ZNF385D: variants seen among roughly 807,000 people sequenced by gnomAD.
The protein encoded by ZNF385D is zinc finger protein 385D.
In ZNF385D, 15 loss-of-function variants were observed where a neutral mutation model predicts 35.8. The observed-to-expected ratio is 0.42, with a 90% CI of 0.28 to 0.64. The LOEUF is 0.64. Among genes scored for constraint, ZNF385D ranks in the 30% least tolerant of loss-of-function variants. The pLI is 0.23. For synonymous variants in ZNF385D, 212 were observed against 186.8 expected (o/e 1.13, Z -1.10); for missense variants, 474 against 494.6 (o/e 0.96, Z 0.39).
At chr3:22,129,191 T>G (rs1703626674) in intron 3 of ZNF385D, among the ~76,000 whole-genome samples, 1 of 150,378 alleles carries the variant, frequency 6.6e-6, no homozygotes, top group South Asian at 2.1e-4. Flanking sequence ...ACAAACAGAG[T>G]CTCTCTCTCT....
intron 4 of ZNF385D, among the ~76,000 whole-genome samples, chr3:21,444,520 G>T (rs1050208484): frequency 7.3e-5 from 11 of 151,324 alleles, no homozygotes; most frequent in East Asian, 5.8e-4. Context: ...GAGTAGCTGG[G>T]ATTACAGGCA....
Position 21,467,741 on chromosome 3 carries a change from T to C in ZNF385D, c.440-30538A>G, listed in dbSNP as rs564696892. Among the ~76,000 whole-genome samples, 125 of 152,304 alleles carry C rather than the reference T, an allele frequency of 8.2e-4. 1 individual carries two copies. The highest frequency in any genetic ancestry group is 1.4e-3 in the Non-Finnish European group (97 of 68,024). On this transcript the variant is annotated intron_variant, in intron 4 of 7. Transcript: ENST00000281523. ...TGCCATATCTTTCAGGACCCAGAAA[T>C]TCTATTCCTAACACCATGCGTTCTA... is the stretch of plus-strand genomic sequence containing the variant.
intron 3 of ZNF385D, among the ~76,000 whole-genome samples, chr3:22,145,010 ATGTGTGTGTG>A (rs36060381): frequency 6.7e-6 from 1 of 148,930 alleles, no homozygotes; most frequent in Non-Finnish European, 1.5e-5. Context: ...GAAGATACAT[ATGTGTGTGTG>A]TGTGTGTGTG....
At chr3:22,369,022 G>C (rs1243916234) in intron 2 of ZNF385D, among the ~76,000 whole-genome samples, 4 of 152,152 alleles carry the variant, frequency 2.6e-5, no homozygotes, top group Non-Finnish European at 4.4e-5. Context: ...GGCAATTTAA[G>C]CACTTGCTTG....
chr3:21,486,543 C>G (rs139204698), intron 4 of ZNF385D, among the ~76,000 whole-genome samples: 12 of 152,226 alleles, frequency 7.9e-5, no homozygotes, highest in African/African-American at 2.9e-4. Context: ...AAAATGCTTG[C>G]AATATTTCTT....
At chr3:22,171,687 T>G (rs11915868) in intron 2 of ZNF385D, among the ~76,000 whole-genome samples, 4,138 of 151,942 alleles carry the variant, frequency 0.027, 184 homozygotes, top group African/African-American at 0.094. Flanking sequence ...CCATCGTGGC[T>G]AACACAGTGA....
chr3:21,503,641 G>T (rs1706549675), intron 4 of ZNF385D, among the ~76,000 whole-genome samples: 1 of 152,156 alleles, frequency 6.6e-6, no homozygotes, highest in African/African-American at 2.4e-5. Flanking sequence ...GGAGGGTAAT[G>T]TGCAGGAAAT....
At chr3:21,537,177 C>T (rs908237501) in intron 3 of ZNF385D, among the ~76,000 whole-genome samples, 4 of 137,646 alleles carry the variant, frequency 2.9e-5, no homozygotes, top group Admixed American at 1.6e-4. Flanking sequence ...GTGTCACCCA[C>T]GCTGGAGTGC....
chr3:21,957,150 A>G (rs259564), intron 3 of ZNF385D: 130,791 of 158,890 alleles, frequency 0.82, 54,740 homozygotes, highest in African/African-American at 0.95. Flanking sequence ...AGAGCCTTTC[A>G]CCTCTAGCCA....
At chr3:22,315,575 G>A (rs374045312) in intron 2 of ZNF385D, among the ~76,000 whole-genome samples, 39 of 152,224 alleles carry the variant, frequency 2.6e-4, no homozygotes, top group African/African-American at 4.8e-4. Context: ...AATTCAAAAC[G>A]GAAGGAGTTA....
chr3:21,919,505 G>A lies in ZNF385D; in HGVS notation c.325+249312C>T, dbSNP rs1056896134. Among the ~76,000 whole-genome samples, 14 of 152,172 alleles carry A rather than the reference G, an allele frequency of 9.2e-5. 1 individual carries two copies. Among genetic ancestry groups the A allele is most frequent in the Admixed American group, 2.6e-4 (4 of 15,262 alleles). Reference sequence around the variant, plus strand: ...TCATATCTCAATTCAAAAAAGGTAAGCAAAACAAGTAGTGGGAGACAGACT... The same window carrying A: ...TCATATCTCAATTCAAAAAAGGTAAACAAAACAAGTAGTGGGAGACAGACT... On this transcript the variant is annotated intron_variant, in intron 3 of 5. Transcript: ENST00000494108.
intron 2 of ZNF385D, among the ~76,000 whole-genome samples, chr3:22,363,222 A>G (rs535275177): frequency 3.9e-5 from 6 of 151,954 alleles, no homozygotes; most frequent in African/African-American, 1.4e-4. Flanking sequence ...GAAGGAATCA[A>G]TTTTCTCAGA....
intron 2 of ZNF385D, among the ~76,000 whole-genome samples, chr3:22,229,638 A>G (rs1698765005): frequency 6.6e-6 from 1 of 152,146 alleles, no homozygotes; most frequent in Admixed American, 6.5e-5. Context: ...ATGCTGTCGT[A>G]CAACTCCCTT....
At chr3:22,187,785 G>A (rs765403531) in intron 2 of ZNF385D, among the ~76,000 whole-genome samples, 15 of 152,126 alleles carry the variant, frequency 9.9e-5, no homozygotes, top group Non-Finnish European at 7.4e-5. Context: ...TTCGGACAGC[G>A]ATGGTAGCTG....
intron 1 of ZNF385D, among the ~76,000 whole-genome samples, chr3:21,704,735 A>G (rs2067834589): frequency 6.6e-6 from 1 of 152,134 alleles, no homozygotes; most frequent in Admixed American, 6.6e-5. Flanking sequence ...GCATTAAATC[A>G]TGTTTTGTTC....
At chr3:21,823,204 A>C (rs149662539) in intron 3 of ZNF385D, among the ~76,000 whole-genome samples, 2 of 152,266 alleles carry the variant, frequency 1.3e-5, no homozygotes, top group African/African-American at 4.8e-5. Flanking sequence ...GTAATTAGAG[A>C]GTAGGTAGTC....
intron 3 of ZNF385D, among the ~76,000 whole-genome samples, chr3:21,887,294 T>C (rs541323759): frequency 2.6e-5 from 4 of 152,276 alleles, no homozygotes; most frequent in African/African-American, 4.8e-5. Flanking sequence ...CTACTACCAA[T>C]AATTAATTCT....
At chr3:21,806,133 C>G (rs932062412) in intron 3 of ZNF385D, among the ~76,000 whole-genome samples, 1 of 152,042 alleles carries the variant, frequency 6.6e-6, no homozygotes, top group Non-Finnish European at 1.5e-5. Context: ...TGCCGGACTA[C>G]CTGCCTTCTT....
intron 3 of ZNF385D, among the ~76,000 whole-genome samples, chr3:22,061,356 TTC>T (rs1193471508): frequency 7.2e-5 from 11 of 152,306 alleles, no homozygotes; most frequent in Middle Eastern, 3.4e-3. Context: ...CCCCATTTCT[TTC>T]TACTTTTCCT....
Sources: gnomAD v4.1 joint callset for allele counts (sites outside exome capture counted in the v4.1 genomes callset) on GRCh38, gnomAD v4.1.1 for gene constraint, MANE v1.5 for transcripts, NCBI Gene and HGNC (gene_info 2026-07-23, HGNC 2026-07-21) for gene names.